Variants in ABTB2 observed in about 807,000 individuals in gnomAD.
The protein encoded by ABTB2 is ankyrin repeat and BTB domain containing 2.
A neutral mutation model predicts 104.1 loss-of-function variants in ABTB2; 56 were observed. The ratio of observed to expected loss-of-function variants is 0.54; its 90% confidence interval spans 0.43 to 0.67. The LOEUF is 0.67. Ranked by LOEUF, ABTB2 falls within the 30% of genes least tolerant of loss-of-function variation. The pLI, the probability that ABTB2 is intolerant of heterozygous loss-of-function variation, is 0.00. For missense variants in ABTB2, 1,279 were observed against 1,407.7 expected, an observed-to-expected ratio of 0.91 and a Z score of 1.46; for synonymous variants, 606 against 608.2, an observed-to-expected ratio of 1.00 and a Z score of 0.05.
At chr11:34,323,096 G>A (rs1048023448) in intron 1 of ABTB2, among the ~76,000 whole-genome samples, 6 of 151,948 alleles carry the variant, frequency 3.9e-5, no homozygotes, top group Admixed American at 1.3e-4. Context: ...TAGTAGAGAC[G>A]GGGTTTCACC....
Position 34,172,602 on chromosome 11 carries a change from G to A in ABTB2, c.1397+553C>T, listed in dbSNP as rs77410854. On this transcript the variant is annotated intron_variant, in intron 4 of 16. Transcript: ENST00000435224. Reference sequence around the variant, plus strand: ...AATTAGGAGCACAGGCTTGGAGGCCGTATGGACCTGGGTTCAAATCTGGGC... The same window carrying A: ...AATTAGGAGCACAGGCTTGGAGGCCATATGGACCTGGGTTCAAATCTGGGC... 4.7e-3 allele frequency among the ~76,000 whole-genome samples: 716 copies of A among 152,012 alleles called. 4 individuals carry two copies. Among genetic ancestry groups the A allele is most frequent in the African/African-American group, 0.016 (667 of 41,448 alleles).
At chr11:34,314,231 G>C (rs748703921) in intron 1 of ABTB2, among the ~76,000 whole-genome samples, 1 of 152,178 alleles carries the variant, frequency 6.6e-6, no homozygotes, top group Non-Finnish European at 1.5e-5. Flanking sequence ...ATGCCCAAGA[G>C]ATCTTCCAGA....
chr11:34,218,154 GT>G (rs1171978750), intron 1 of ABTB2, among the ~76,000 whole-genome samples: 6 of 152,204 alleles, frequency 3.9e-5, no homozygotes, highest in Admixed American at 6.5e-5. Context: ...TTATTGCTGA[GT>G]TTTAAAAGTT....
At chr11:34,267,041 A>G (rs1854260938) in intron 1 of ABTB2, among the ~76,000 whole-genome samples, 1 of 151,678 alleles carries the variant, frequency 6.6e-6, no homozygotes, top group Non-Finnish European at 1.5e-5. Context: ...GGCGGGGAGG[A>G]AGTGCTGGTG....
chr11:34,234,240 C>T (rs16925343), intron 1 of ABTB2, among the ~76,000 whole-genome samples: 1,655 of 152,198 alleles, frequency 0.011, 22 homozygotes, highest in African/African-American at 0.038. Context: ...GATGAGCTTC[C>T]GGGTGAAGTC....
chr11:34,292,024 T>C (rs769070232), intron 1 of ABTB2, among the ~76,000 whole-genome samples: 37 of 152,268 alleles, frequency 2.4e-4, no homozygotes, highest in Non-Finnish European at 4.4e-4. Flanking sequence ...CCATATATAC[T>C]AATTTGCCAA....
rs1201833466 is a variant in ABTB2 at position 34,153,660 on chromosome 11, T to A, written c.2880+605A>T. Among the ~76,000 whole-genome samples, 3 of 152,148 alleles carry A rather than the reference T, an allele frequency of 2.0e-5. No homozygotes were observed. In the East Asian group the frequency reaches 5.8e-4, roughly 29 times the overall value. ...TGCCTGGCCATGGTTTTTGAACTTT[T>A]GAAAGAAGCTTGTGGATTGCAGGGC... On this transcript the variant is annotated intron_variant, in intron 16 of 16. Coordinates refer to ENST00000435224, the MANE Select transcript of ABTB2 (RefSeq NM_145804.3).
At chr11:34,173,042 T>C in intron 4 of ABTB2, 113 bp downstream of exon 4, 1 of 1,345,532 alleles carries the variant, frequency 7.4e-7, no homozygotes, top group Non-Finnish European at 1.0e-6. Context: ...TCAAATGTGC[T>C]GCAGCCCCTG....
chr11:34,237,628 C>T (rs1457998070), intron 1 of ABTB2, among the ~76,000 whole-genome samples: 5 of 152,214 alleles, frequency 3.3e-5, no homozygotes, highest in Non-Finnish European at 7.3e-5. Flanking sequence ...AAAGGCCAGG[C>T]TCACTTCTGT....
intron 1 of ABTB2, among the ~76,000 whole-genome samples, chr11:34,331,517 T>G (rs1353771961): frequency 6.6e-6 from 1 of 152,180 alleles, no homozygotes. Flanking sequence ...CTGGGTCCCA[T>G]GGTAACTGGA....
At chr11:34,161,566 C>T (rs1590202647) in intron 10 of ABTB2, among the ~76,000 whole-genome samples, 1 of 152,142 alleles carries the variant, frequency 6.6e-6, no homozygotes, top group Non-Finnish European at 1.5e-5. Context: ...CTTGTCTGCA[C>T]GGAAGCTTGA....
At chr11:34,323,191 G>A (rs374487180) in intron 1 of ABTB2, among the ~76,000 whole-genome samples, 1 of 152,188 alleles carries the variant, frequency 6.6e-6, no homozygotes, top group African/African-American at 2.4e-5. Context: ...ACAGGCGTGA[G>A]TCACTGCGCC....
intron 5 of ABTB2, among the ~76,000 whole-genome samples, chr11:34,169,454 C>T (rs895522532): frequency 3.3e-5 from 5 of 152,288 alleles, no homozygotes; most frequent in Middle Eastern, 6.8e-3. Context: ...GTGCTACCAT[C>T]CCCCATCTTA....
chr11:34,304,657 GA>G (rs1854749435), intron 1 of ABTB2, among the ~76,000 whole-genome samples: 2 of 151,584 alleles, frequency 1.3e-5, no homozygotes, highest in South Asian at 4.2e-4. Context: ...AACCACATGA[GA>G]AAAGAAAGAG....
At chr11:34,194,142 T>C (rs912927882) in intron 3 of ABTB2, among the ~76,000 whole-genome samples, 15 of 152,140 alleles carry the variant, frequency 9.9e-5, no homozygotes, top group African/African-American at 3.6e-4. Context: ...AGCAGAAATA[T>C]GAGGACAGAC....
intron 1 of ABTB2, among the ~76,000 whole-genome samples, chr11:34,297,165 T>C (rs1854632511): frequency 1.3e-5 from 2 of 152,150 alleles, no homozygotes; most frequent in Admixed American, 6.6e-5. Flanking sequence ...TATCCCCACT[T>C]CCTAGCCTGG....
chr11:34,225,695 C>T (rs866915036), intron 1 of ABTB2, among the ~76,000 whole-genome samples: 2 of 151,882 alleles, frequency 1.3e-5, no homozygotes, highest in East Asian at 1.9e-4. Flanking sequence ...GCAGAGGTTG[C>T]GGTGAACCGA....
chr11:34,238,088 T>C (rs144186310), intron 1 of ABTB2, among the ~76,000 whole-genome samples: 2,010 of 152,276 alleles, frequency 0.013, 24 homozygotes, highest in African/African-American at 0.029. Context: ...TTAAAAAATA[T>C]TTAAATTAGC....
chr11:34,166,008 C>G (rs970482774), intron 7 of ABTB2, among the ~76,000 whole-genome samples: 2 of 152,240 alleles, frequency 1.3e-5, no homozygotes, highest in Non-Finnish European at 2.9e-5. Context: ...GCAGGGTTAA[C>G]AGATACCAGG....
Sources: gnomAD v4.1 joint callset for allele counts (sites outside exome capture counted in the v4.1 genomes callset) on GRCh38, gnomAD v4.1.1 for gene constraint, MANE v1.5 for transcripts, NCBI Gene and HGNC (gene_info 2026-07-23, HGNC 2026-07-21) for gene names.